Variants in PRKCA observed in about 807,000 individuals in gnomAD.
PRKCA encodes the protein protein kinase C alpha type.
In PRKCA, 27 loss-of-function variants were observed where a neutral mutation model predicts 87.0. The ratio of observed to expected loss-of-function variants is 0.31; its 90% CI spans 0.23 to 0.43. The LOEUF is 0.43. Ranked by LOEUF, PRKCA falls within the 20% of genes least tolerant of loss-of-function variation. PRKCA has a pLI of 1.00. For missense variants in PRKCA, 518 were observed against 852.3 expected, an observed-to-expected ratio of 0.61 and a Z score of 4.88; for synonymous variants, 329 against 311.1, an observed-to-expected ratio of 1.06 and a Z score of -0.61.
In PRKCA at chr17:66,393,505, G is replaced by A. The variant is rs1016131650; in HGVS notation, c.205+87378G>A. On this transcript the variant is annotated intron_variant, in intron 2 of 16. Coordinates refer to ENST00000413366, the MANE Select transcript of PRKCA (RefSeq NM_002737.3). ...CCAAATGTGTGCTGGAGAACAGCTC[G>A]GAGGGATGGGACGGCCTGTCGTTTC... Among the ~76,000 whole-genome samples, 11 of 152,288 alleles carry A rather than the reference G, an allele frequency of 7.2e-5. No homozygotes were observed. The East Asian group carries it at 1.2e-3, about 16-fold the overall frequency.
intron 2 of PRKCA, among the ~76,000 whole-genome samples, chr17:66,377,312 G>A (rs1238546784): frequency 1.3e-5 from 2 of 151,508 alleles, no homozygotes; most frequent in African/African-American, 2.4e-5. Context: ...GGCATGAGTC[G>A]CTGTGTCAGG....
intron 3 of PRKCA, among the ~76,000 whole-genome samples, chr17:66,602,632 A>G (rs1259454807): frequency 1.3e-5 from 2 of 152,242 alleles, no homozygotes; most frequent in African/African-American, 4.8e-5. Flanking sequence ...TTCTTTTAAA[A>G]TATGTATTAT....
intron 8 of PRKCA, among the ~76,000 whole-genome samples, chr17:66,704,448 CA>C: frequency 6.6e-6 from 1 of 152,108 alleles, no homozygotes; most frequent in Non-Finnish European, 1.5e-5. Flanking sequence ...ACACATGGAG[CA>C]AAAAAATAAT....
intron 2 of PRKCA, among the ~76,000 whole-genome samples, chr17:66,393,974 C>G (rs1485258012): frequency 6.6e-6 from 1 of 152,050 alleles, no homozygotes; most frequent in Non-Finnish European, 1.5e-5. Context: ...ACTCGGGAGA[C>G]TGAGGCACGA....
chr17:66,549,162 A>G (rs1318898261), intron 3 of PRKCA, among the ~76,000 whole-genome samples: 3 of 146,180 alleles, frequency 2.1e-5, no homozygotes. Flanking sequence ...TTTTTTTTAC[A>G]ATAACCACAG....
chr17:66,802,019 G>A (rs531918077), intron 16 of PRKCA, among the ~76,000 whole-genome samples: 7 of 152,150 alleles, frequency 4.6e-5, no homozygotes, highest in South Asian at 2.1e-4. Flanking sequence ...CCAGGAGTTC[G>A]AGACCAGCCT....
rs1288530934 is a variant in PRKCA at position 66,750,001 on chromosome 17, TC to T, written c.1524+7242del. 4.6e-5 allele frequency among the ~76,000 whole-genome samples: 7 copies of T among 152,020 alleles called. No individual in the cohort carries two copies. The South Asian group carries it at 1.5e-3, about 32-fold the overall frequency. On this transcript the variant is annotated intron_variant, in intron 13 of 16. Coordinates refer to ENST00000413366, the MANE Select transcript of PRKCA (RefSeq NM_002737.3). ...CTGACCCCAGAGACTTCTCCTGGCC[TC>T]TGGGGAAAGGATTGTAGAGAGGGAT...
At chr17:66,389,724 C>G (rs1278933800) in intron 2 of PRKCA, among the ~76,000 whole-genome samples, 2 of 152,178 alleles carry the variant, frequency 1.3e-5, no homozygotes, top group Non-Finnish European at 2.9e-5. Context: ...GGAGCATCAC[C>G]TTTTGTGAAC....
chr17:66,652,574 G>C (rs1314479168), intron 5 of PRKCA, among the ~76,000 whole-genome samples: 1 of 152,134 alleles, frequency 6.6e-6, no homozygotes, highest in African/African-American at 2.4e-5. Context: ...GGACCAGGCG[G>C]GGGTTGGGGC....
intron 5 of PRKCA, among the ~76,000 whole-genome samples, chr17:66,670,871 T>C (rs992908260): frequency 1.8e-4 from 27 of 151,408 alleles, no homozygotes; most frequent in African/African-American, 6.3e-4. Context: ...CAAAAATAAA[T>C]TTAAAAAAAT....
chr17:66,626,240 A>G (rs1970851494), intron 3 of PRKCA, among the ~76,000 whole-genome samples: 1 of 149,834 alleles, frequency 6.7e-6, no homozygotes, highest in East Asian at 2.0e-4. Context: ...TCTGTCATCC[A>G]GCAGTGGCAT....
At chr17:66,557,294 A>G (rs1968526388) in intron 3 of PRKCA, among the ~76,000 whole-genome samples, 1 of 152,184 alleles carries the variant, frequency 6.6e-6, no homozygotes, top group Admixed American at 6.5e-5. Flanking sequence ...TTGCACAGAG[A>G]CAGACAACTT....
At chr17:66,584,305 T>C (rs1249592772) in intron 3 of PRKCA, among the ~76,000 whole-genome samples, 3 of 152,052 alleles carry the variant, frequency 2.0e-5, no homozygotes, top group Admixed American at 2.0e-4. Context: ...CACTGCAACC[T>C]CCGCCTCCTG....
intron 3 of PRKCA, among the ~76,000 whole-genome samples, chr17:66,586,859 C>T (rs1969612469): frequency 6.6e-6 from 1 of 152,198 alleles, no homozygotes; most frequent in South Asian, 2.1e-4. Flanking sequence ...GACCCTGTAC[C>T]TGCACTGGGG....
At position 66,689,011 on chromosome 17, in the gene PRKCA, C is replaced by T. The variant is rs369357061; in HGVS notation, c.882C>T (p.Asp294=). Residue 294 remains aspartate, a synonymous_variant, in exon 8 of 17, where the codon GAC becomes GAT. Transcript: ENST00000413366. The surrounding 1 kb of genome is among the most constrained non-coding windows in gnomAD (Gnocchi z 4.1). The part of the protein sequence containing the change: ...EYYNVPIPEG[D]EEGNMELRQK... ...ACAACGTACCCATTCCGGAAGGGGA[C>T]GAGGAAGGAAACATGGAACTCAGGC... 16 of 1,599,674 alleles carry T rather than the reference C, an allele frequency of 1.0e-5. No individual in the cohort carries two copies. Among genetic ancestry groups the T allele is most frequent in the East Asian group, 9.1e-5 (4 of 43,938 alleles).
chr17:66,611,154 C>A (rs1410867687), intron 3 of PRKCA, among the ~76,000 whole-genome samples: 1 of 152,068 alleles, frequency 6.6e-6, no homozygotes, highest in Non-Finnish European at 1.5e-5. Context: ...TTATTATATC[C>A]CAGTATTGCT....
intron 2 of PRKCA, among the ~76,000 whole-genome samples, chr17:66,485,706 A>G (rs1186954038): frequency 6.6e-6 from 1 of 152,118 alleles, no homozygotes; most frequent in Non-Finnish European, 1.5e-5. Flanking sequence ...TGTGAGTGAC[A>G]TTGAAGCAGG....
At chr17:66,671,136 G>A (rs569790870) in intron 5 of PRKCA, among the ~76,000 whole-genome samples, 17 of 146,044 alleles carry the variant, frequency 1.2e-4, no homozygotes, top group Non-Finnish European at 2.1e-4. Flanking sequence ...GCCTGAACCC[G>A]GGAGGCAGAG....
intron 2 of PRKCA, among the ~76,000 whole-genome samples, chr17:66,346,617 T>C (rs1348342729): frequency 2.0e-5 from 3 of 152,146 alleles, no homozygotes; most frequent in African/African-American, 7.2e-5. Context: ...AAGTATATGT[T>C]TTAAAAAGCC....
Sources: gnomAD v4.1 joint callset for allele counts (sites outside exome capture counted in the v4.1 genomes callset) on GRCh38, gnomAD v4.1.1 for gene constraint, Gnocchi (gnomAD v3.1) non-coding constraint, MANE v1.5 for transcripts, NCBI Gene and HGNC (gene_info 2026-07-23, HGNC 2026-07-21) for gene names.